SLCO1B1: variants seen among roughly 807,000 people sequenced by gnomAD.
The protein encoded by SLCO1B1 is solute carrier organic anion transporter family member 1B1, also known as OATP-2.
In SLCO1B1, 81 loss-of-function variants were observed where a neutral mutation model predicts 70.1. The ratio of observed to expected loss-of-function variants is 1.16; its 90% CI spans 0.97 to 1.39. The LOEUF is 1.39. Among genes scored for constraint, SLCO1B1 ranks in the 40% most tolerant of loss-of-function variants. The pLI is 0.00. For missense variants in SLCO1B1, 895 were observed against 799.6 expected (o/e 1.12, Z -1.44); for synonymous variants, 283 against 271.5 (o/e 1.04, Z -0.42).
At chr12:21,169,900 T>C (rs1171277457) in intron 2 of SLCO1B1, among the ~76,000 whole-genome samples, 1 of 152,236 alleles carries the variant, frequency 6.6e-6, no homozygotes, top group Non-Finnish European at 1.5e-5. Context: ...TAATTCTGAA[T>C]AGAGATTCTG....
chr12:21,160,294 A>G (rs974174068), intron 2 of SLCO1B1, among the ~76,000 whole-genome samples: 1 of 152,030 alleles, frequency 6.6e-6, no homozygotes, highest in African/African-American at 2.4e-5. Flanking sequence ...AACCAATGGA[A>G]CAAAATAGAG....
chr12:21,144,567 C>T (rs1375015326), intron 2 of SLCO1B1, among the ~76,000 whole-genome samples: 1 of 151,958 alleles, frequency 6.6e-6, no homozygotes, highest in Non-Finnish European at 1.5e-5. Context: ...CAAAGAATCC[C>T]TTCAAGATAC....
At chr12:21,179,051 A>G (rs971849388) in intron 7 of SLCO1B1, 31 bp downstream of exon 7, 2 of 1,395,354 alleles carry the variant, frequency 1.4e-6, no homozygotes, top group Non-Finnish European at 2.0e-6. Context: ...GTACCATGAT[A>G]ACGTCTTTCT....
At chr12:21,174,885 G>GCTTTCATATACTTTGAAATA (rs1940800530) in intron 4 of SLCO1B1, among the ~76,000 whole-genome samples, 176 bp downstream of exon 4, 1 of 152,068 alleles carries the variant, frequency 6.6e-6, no homozygotes, top group African/African-American at 2.4e-5. Flanking sequence ...ATTTATCGTA[G>GCTTTCATATACTTTGAAATA]CTTTCATATA....
intron 4 of SLCO1B1, among the ~76,000 whole-genome samples, chr12:21,175,632 T>G (rs1940810437): frequency 6.6e-6 from 1 of 152,066 alleles, no homozygotes. Flanking sequence ...CCCACCATAT[T>G]TGGCCCTTAT....
chr12:21,217,173 T>C lies in SLCO1B1; in HGVS notation c.1552T>C (p.Ser518Pro). Reference protein sequence around the residue: ...EVTGLQNRNYSAHLGECPRDD... With the variant: ...EVTGLQNRNYPAHLGECPRDD... Reference sequence around the variant, plus strand: ...AACTGGTCTCCAGAACAGAAATTACTCAGCCCATTTGGGTGAATGCCCAAG... The same window carrying C: ...AACTGGTCTCCAGAACAGAAATTACCCAGCCCATTTGGGTGAATGCCCAAG... Residue 518 changes from serine to proline, a missense_variant, in exon 12 of 15, where the codon TCA (serine) becomes CCA (proline). By Grantham distance (74) the Ser-to-Pro change is moderately conservative. Transcript: ENST00000256958. 6.2e-7 allele frequency: 1 copy of C among 1,613,800 alleles called. No individual in the cohort carries two copies. The highest frequency in any genetic ancestry group is 8.5e-7 in the Non-Finnish European group (1 of 1,179,756).
intron 7 of SLCO1B1, among the ~76,000 whole-genome samples, chr12:21,189,943 A>G (rs1203937491): frequency 1.3e-5 from 2 of 152,164 alleles, no homozygotes; most frequent in African/African-American, 4.8e-5. Context: ...CCTGCTGCAT[A>G]ATAAATCTCT....
intron 7 of SLCO1B1, among the ~76,000 whole-genome samples, chr12:21,191,559 CA>C (rs1004962062): frequency 3.9e-5 from 6 of 151,978 alleles, no homozygotes; most frequent in African/African-American, 1.4e-4. Flanking sequence ...TTTCTATATA[CA>C]AAATCATGCC....
intron 13 of SLCO1B1, among the ~76,000 whole-genome samples, chr12:21,224,022 A>G (rs990773793): frequency 3.3e-5 from 5 of 152,222 alleles, no homozygotes; most frequent in Non-Finnish European, 5.9e-5. Flanking sequence ...CAGAACACTA[A>G]CACAAACAAA....
intron 14 of SLCO1B1, among the ~76,000 whole-genome samples, chr12:21,225,469 A>G (rs1184595487): frequency 1.3e-5 from 2 of 152,182 alleles, no homozygotes; most frequent in Non-Finnish European, 2.9e-5. Flanking sequence ...CAAATTATAC[A>G]CTTTGAAATG....
At chr12:21,230,065 A>C (rs1459513135) in intron 14 of SLCO1B1, among the ~76,000 whole-genome samples, 1 of 152,120 alleles carries the variant, frequency 6.6e-6, no homozygotes, top group Non-Finnish European at 1.5e-5. Context: ...GGGAGTTTTT[A>C]TTATAAATGA....
intron 1 of SLCO1B1, 31 bp downstream of exon 1, chr12:21,131,267 C>A (rs1940128840): frequency 1.3e-5 from 2 of 152,080 alleles, no homozygotes; most frequent in South Asian, 4.1e-4. Flanking sequence ...CTAATTTTTA[C>A]ATATATTTTA....
chr12:21,133,670 A>G (rs1035547247), intron 1 of SLCO1B1, among the ~76,000 whole-genome samples: 10 of 152,110 alleles, frequency 6.6e-5, no homozygotes, highest in South Asian at 6.2e-4. Context: ...TGTGATTTTT[A>G]TACATTGATT....
rs146867151 is a variant in SLCO1B1, at chr12:21,200,580, A to G, written c.1043A>G (p.Gln348Arg). The change falls in exon 9 of 15, where the codon CAA (glutamine) becomes CGA (arginine). Residue 348 changes from glutamine to arginine, a missense_variant. Gln to Arg is a conservative substitution (Grantham distance 43). Transcript: ENST00000256958. ...ATGTTTGTGCTTTTGACGTTGTTAC[A>G]AGTAAGCAGCTATATTGGTGCTTTT... ...YVMFVLLTLL[Q>R]VSSYIGAFTY... 11 of 1,610,636 alleles carry G rather than the reference A, an allele frequency of 6.8e-6. No homozygotes were observed. In the African/African-American group the frequency reaches 1.1e-4, roughly 16 times the overall value.
chr12:21,132,749 T>A (rs1940158928), intron 1 of SLCO1B1, among the ~76,000 whole-genome samples: 1 of 152,138 alleles, frequency 6.6e-6, no homozygotes, highest in South Asian at 2.1e-4. Flanking sequence ...GTCAGATGAG[T>A]AGGTTGCAAA....
rs76928130 is a variant in SLCO1B1 at position 21,226,926 on chromosome 12, C to T, written c.1865+2087C>T. 6.2e-3 allele frequency among the ~76,000 whole-genome samples: 949 copies of T among 152,014 alleles called. 14 individuals are homozygous for T. Among genetic ancestry groups the T allele is most frequent in the African/African-American group, 0.022 (902 of 41,454 alleles). On this transcript the variant is annotated intron_variant, in intron 14 of 14. Coordinates refer to ENST00000256958, the MANE Select transcript of SLCO1B1 (RefSeq NM_006446.5). ...CAAGTATCTCCCAAAGAAAAAATCA[C>T]GAATGGCTATTAAATATATAAAAAG...
At chr12:21,212,820 G>A (rs1384614809) in intron 11 of SLCO1B1, among the ~76,000 whole-genome samples, 1 of 150,868 alleles carries the variant, frequency 6.6e-6, no homozygotes, top group Non-Finnish European at 1.5e-5. Context: ...ATTATGTAAT[G>A]GCCTTCTTTG....
intron 7 of SLCO1B1, among the ~76,000 whole-genome samples, chr12:21,191,033 A>G (rs1474830709): frequency 6.6e-6 from 1 of 151,914 alleles, no homozygotes; most frequent in Non-Finnish European, 1.5e-5. Context: ...ACCATATTAT[A>G]TTAATTACTA....
intron 2 of SLCO1B1, 128 bp downstream of exon 2, chr12:21,141,786 A>G: frequency 3.4e-6 from 2 of 588,710 alleles, no homozygotes; most frequent in Admixed American, 5.7e-5. Flanking sequence ...ATATTGAAAT[A>G]TTAACATAAT....
Sources: allele counts gnomAD v4.1 joint callset (sites outside exome capture counted in the v4.1 genomes callset), GRCh38; gene constraint gnomAD v4.1.1; transcripts MANE v1.5; gene names NCBI Gene and HGNC (gene_info 2026-07-23, HGNC 2026-07-21).